Variants in SPATA9 observed in about 807,000 individuals in gnomAD.
SPATA9 encodes spermatogenesis associated 9.
SPATA9 carries 27 observed loss-of-function variants against 25.5 expected under a neutral mutation model. The observed-to-expected ratio is 1.06, with a 90% CI of 0.78 to 1.46. SPATA9 has a LOEUF of 1.46. Among genes scored for constraint, SPATA9 ranks in the 40% most tolerant of loss-of-function variants. The probability of loss-of-function intolerance (pLI) is 0.00; values close to 1 mark genes in which losing one functional copy is unlikely to be tolerated. For synonymous variants in SPATA9, 102 were observed against 105.7 expected, an observed-to-expected ratio of 0.97 and a Z score of 0.21; for missense variants, 282 against 297.5, an observed-to-expected ratio of 0.95 and a Z score of 0.38.
chr5:95,685,865 C>T (rs1753730603), upstream of SPATA9, among the ~76,000 whole-genome samples: 2 of 152,144 alleles, frequency 1.3e-5, 1 homozygote, highest in South Asian at 4.1e-4. Context: ...GAGATGGAGT[C>T]TCACTCTCTC....
At chr5:95,705,197 G>A in the SPATA9 span, among the ~76,000 whole-genome samples, 1 of 151,944 alleles carries the variant, frequency 6.6e-6, no homozygotes, top group East Asian at 1.9e-4. Flanking sequence ...CAAACTCCTA[G>A]GCTCAATGAT....
At chr5:95,710,102 T>C in the SPATA9 span, among the ~76,000 whole-genome samples, 1 of 152,166 alleles carries the variant, frequency 6.6e-6, no homozygotes, top group Non-Finnish European at 1.5e-5. Context: ...TGTTTGCTTG[T>C]AAAGCCTGAG....
At chr5:95,730,431 A>T in the SPATA9 span, among the ~76,000 whole-genome samples, 1 of 152,230 alleles carries the variant, frequency 6.6e-6, no homozygotes, top group Non-Finnish European at 1.5e-5. Flanking sequence ...AGTGGATCCC[A>T]GTGTTCGTTT....
chr5:95,723,283 C>T, the SPATA9 span, among the ~76,000 whole-genome samples: 6 of 152,346 alleles, frequency 3.9e-5, no homozygotes, highest in African/African-American at 1.2e-4. Flanking sequence ...GGGCCACATG[C>T]GGCCCTTAGG....
intron 3 of SPATA9, among the ~76,000 whole-genome samples, chr5:95,673,879 G>A (rs541984911): frequency 9.3e-4 from 141 of 152,142 alleles, no homozygotes; most frequent in Admixed American, 1.5e-3. Context: ...GAGTAGCTGG[G>A]ATTACAGGCA....
the SPATA9 span, among the ~76,000 whole-genome samples, chr5:95,724,244 C>T: frequency 6.6e-6 from 1 of 152,210 alleles, no homozygotes; most frequent in Non-Finnish European, 1.5e-5. Context: ...TGAAGAGCTG[C>T]TTCATGACTC....
At chr5:95,707,761 C>T in the SPATA9 span, among the ~76,000 whole-genome samples, 1 of 152,034 alleles carries the variant, frequency 6.6e-6, no homozygotes, top group African/African-American at 2.4e-5. Context: ...GTGAAAGAGC[C>T]AAGATGGAGT....
chr5:95,726,009 A>G, the SPATA9 span, among the ~76,000 whole-genome samples: 1 of 152,182 alleles, frequency 6.6e-6, no homozygotes, highest in African/African-American at 2.4e-5. Flanking sequence ...TTCAAAATGT[A>G]TTTCATTTAT....
the SPATA9 span, chr5:95,731,425 C>T: frequency 4.2e-6 from 5 of 1,195,034 alleles, no homozygotes; most frequent in South Asian, 1.2e-4. Flanking sequence ...GGCGGTCCCG[C>T]GCCCGGCGAT....
chr5:95,654,029 T>A, downstream of SPATA9: 1 of 1,590,552 alleles, frequency 6.3e-7, no homozygotes, highest in African/African-American at 1.3e-5. Flanking sequence ...AGTGAATACT[T>A]CTTGTAACTT....
At chr5:95,696,692 C>T (rs2112712114) in intron 1 of SPATA9, among the ~76,000 whole-genome samples, 1 of 152,252 alleles carries the variant, frequency 6.6e-6, no homozygotes, top group African/African-American at 2.4e-5. Context: ...CCCTGAGCAA[C>T]ATAGCAAGAC....
At chr5:95,709,673 C>T in the SPATA9 span, among the ~76,000 whole-genome samples, 1 of 152,174 alleles carries the variant, frequency 6.6e-6, no homozygotes, top group Non-Finnish European at 1.5e-5. Flanking sequence ...TTGGCAGTTT[C>T]GTTTTTGGTA....
the SPATA9 span, among the ~76,000 whole-genome samples, chr5:95,723,536 G>A: frequency 1.3e-5 from 2 of 152,102 alleles, no homozygotes; most frequent in Non-Finnish European, 2.9e-5. Flanking sequence ...GCAAACTCTT[G>A]TTGTTTTTTG....
At chr5:95,724,897 G>T in the SPATA9 span, among the ~76,000 whole-genome samples, 1 of 151,974 alleles carries the variant, frequency 6.6e-6, no homozygotes, top group Admixed American at 6.6e-5. Context: ...AGTATATAAA[G>T]AATTATGGAG....
intron 3 of SPATA9, chr5:95,674,542 C>G (rs1365998978): frequency 7.4e-6 from 2 of 270,558 alleles, no homozygotes; most frequent in African/African-American, 2.3e-5. Flanking sequence ...GGAATTGAAC[C>G]TGGAAGATTA....
the SPATA9 span, among the ~76,000 whole-genome samples, chr5:95,723,423 T>C: frequency 6.6e-6 from 1 of 152,188 alleles, no homozygotes; most frequent in Non-Finnish European, 1.5e-5. Context: ...CTGGGAAGAA[T>C]GACCCAGGGA....
upstream of SPATA9, among the ~76,000 whole-genome samples, chr5:95,687,288 T>A (rs1188773726): frequency 6.6e-6 from 1 of 152,234 alleles, no homozygotes; most frequent in Non-Finnish European, 1.5e-5. Flanking sequence ...GTTATCATTA[T>A]TCTTGTGATC....
chr5:95,655,998 A>G (rs372849435), downstream of SPATA9: 8 of 1,573,840 alleles, frequency 5.1e-6, no homozygotes, highest in African/African-American at 9.5e-5. Flanking sequence ...GAGTCTATCA[A>G]GAACATTTGA....
At chr5:95,655,663 T>G (rs1351613244), downstream of SPATA9, among the ~76,000 whole-genome samples, 2 of 152,234 alleles carry the variant, frequency 1.3e-5, no homozygotes, top group African/African-American at 4.8e-5. Context: ...TAGTAACTCC[T>G]TTTGAATTTA....
Sources: gnomAD v4.1 joint callset for allele counts (sites outside exome capture counted in the v4.1 genomes callset) on GRCh38, gnomAD v4.1.1 for gene constraint, MANE v1.5 for transcripts, NCBI Gene and HGNC (gene_info 2026-07-23, HGNC 2026-07-21) for gene names.